The following NDE1 variants were observed in gnomAD, a reference collection of about 807,000 sequenced individuals.
The protein encoded by NDE1 is nuclear distribution protein nudE homolog 1.
A neutral mutation model predicts 43.4 loss-of-function variants in NDE1; 28 were observed. That is an observed-to-expected ratio of 0.65 (90% CI 0.48 to 0.89). NDE1 has a LOEUF of 0.89. Ranked by LOEUF, NDE1 falls within the 40% of genes least tolerant of loss-of-function variation. NDE1 has a pLI of 0.00. For synonymous variants in NDE1, 184 were observed against 172.0 expected (o/e 1.07, Z -0.55); for missense variants, 441 against 434.1 (o/e 1.02, Z -0.14).
At chr16:15,645,159 A>T (rs184275003) in intron 1 of NDE1, among the ~76,000 whole-genome samples, 1 of 152,170 alleles carries the variant, frequency 6.6e-6, no homozygotes, top group East Asian at 1.9e-4. Flanking sequence ...GCCTCAAGTG[A>T]TCCTCCCGCC....
At chr16:15,694,858 G>A (rs1422238701) in intron 7 of NDE1, 6 of 985,118 alleles carry the variant, frequency 6.1e-6, no homozygotes, top group South Asian at 4.7e-5. Flanking sequence ...TCCTTAACTC[G>A]AAAAATTAAG....
chr16:15,659,662 C>T (rs2036948507), intron 1 of NDE1, among the ~76,000 whole-genome samples: 1 of 151,472 alleles, frequency 6.6e-6, no homozygotes, highest in Admixed American at 6.6e-5. Context: ...GTTTCAGACT[C>T]CTGAGCTCAG....
chr16:15,663,419 T>A (rs1259454192), intron 1 of NDE1, among the ~76,000 whole-genome samples: 4 of 151,854 alleles, frequency 2.6e-5, no homozygotes, highest in Non-Finnish European at 5.9e-5. Flanking sequence ...TTTGTATTTT[T>A]TTTTAGTAGA....
chr16:15,695,755 G>A, intron 7 of NDE1: 1 of 967,916 alleles, frequency 1.0e-6, no homozygotes, highest in Non-Finnish European at 1.2e-6. Context: ...GTTTTTGGCT[G>A]TCTGGTTTGC....
intron 8 of NDE1, chr16:15,715,345 G>A (rs1465994811): frequency 6.8e-7 from 1 of 1,466,006 alleles, no homozygotes; most frequent in African/African-American, 1.4e-5. Flanking sequence ...TCACCTGGAG[G>A]TGGCATCTTG....
At chr16:15,645,140 G>C (rs12922083) in intron 1 of NDE1, among the ~76,000 whole-genome samples, 2 of 151,964 alleles carry the variant, frequency 1.3e-5, no homozygotes, top group Non-Finnish European at 2.9e-5. Context: ...GGCTGGTCTC[G>C]AACTCCTAGC....
chr16:15,717,496 C>A, intron 8 of NDE1: 1 of 776,406 alleles, frequency 1.3e-6, no homozygotes, highest in South Asian at 1.7e-5. Flanking sequence ...TAAAACTCCA[C>A]TCAAGAGCTT....
chr16:15,671,627 C>T (rs555137954), intron 3 of NDE1, among the ~76,000 whole-genome samples: 1 of 152,164 alleles, frequency 6.6e-6, no homozygotes, highest in Non-Finnish European at 1.5e-5. Context: ...GCCCACTTCA[C>T]CCATTTGTTA....
At chr16:15,691,535 A>T (rs2038753797) in intron 6 of NDE1, among the ~76,000 whole-genome samples, 1 of 152,062 alleles carries the variant, frequency 6.6e-6, no homozygotes, top group Admixed American at 6.6e-5. Flanking sequence ...GTCTGATGAA[A>T]TGGAAACCCC....
chr16:15,656,209 T>C (rs1254642388), intron 1 of NDE1, among the ~76,000 whole-genome samples: 1 of 152,228 alleles, frequency 6.6e-6, no homozygotes, highest in African/African-American at 2.4e-5. Flanking sequence ...CTTCTTTGCT[T>C]CCAGCATCTC....
chr16:15,647,906 A>G (rs774302410), upstream of NDE1, among the ~76,000 whole-genome samples: 1 of 151,778 alleles, frequency 6.6e-6, no homozygotes, highest in Non-Finnish European at 1.5e-5. Context: ...GTTGGTGCAC[A>G]CCTGTGGTCC....
intron 1 of NDE1, among the ~76,000 whole-genome samples, chr16:15,655,397 A>C (rs1433515363): frequency 6.6e-6 from 1 of 152,214 alleles, no homozygotes; most frequent in Non-Finnish European, 1.5e-5. Context: ...TGCCCACCTC[A>C]GTCTGCCAAA....
intron 3 of NDE1, among the ~76,000 whole-genome samples, chr16:15,676,131 CCT>C (rs1232754806): frequency 6.6e-6 from 1 of 151,464 alleles, no homozygotes; most frequent in Non-Finnish European, 1.5e-5. Context: ...CTTCCTCTCT[CCT>C]CTGTCTCCCT....
At chr16:15,721,793 G>A (rs866616286) in intron 8 of NDE1, 11 of 721,688 alleles carry the variant, frequency 1.5e-5, no homozygotes, top group South Asian at 5.0e-5. Context: ...ATCATCTGGC[G>A]TTCTGACTTC....
chr16:15,660,690 T>G (rs2036998981), intron 1 of NDE1, among the ~76,000 whole-genome samples: 1 of 152,154 alleles, frequency 6.6e-6, no homozygotes, highest in African/African-American at 2.4e-5. Flanking sequence ...AAACTGTTCT[T>G]GCTCACACCG....
At chr16:15,678,590 CCTT>C (rs1277310340) in intron 4 of NDE1, among the ~76,000 whole-genome samples, 1 of 152,038 alleles carries the variant, frequency 6.6e-6, no homozygotes, top group Non-Finnish European at 1.5e-5. Context: ...GTCTCAAACT[CCTT>C]AGCCTCCAAA....
At chr16:15,681,838 C>T (rs779198256) in intron 4 of NDE1, among the ~76,000 whole-genome samples, 9 of 152,134 alleles carry the variant, frequency 5.9e-5, no homozygotes, top group Admixed American at 1.3e-4. Flanking sequence ...CTCAGCCTCC[C>T]AAGTAGCTGG....
rs2151220485 is a variant in NDE1 at position 15,725,155 on chromosome 16, A to T, written c.*904A>T. 1 of 649,524 alleles carries T rather than the reference A, an allele frequency of 1.5e-6. No homozygotes were observed. The highest frequency in any genetic ancestry group is 2.7e-5 in the East Asian group (1 of 36,818). 40.2% of individuals were successfully genotyped at this position (649,524 alleles called of 1,614,324 possible). ...CTGATAAAAAAAAAAAAAAACACAC[A>T]CACACACAAAAAAAACAGAATCTGT... On this transcript the variant is annotated 3_prime_UTR_variant, in exon 9 of 9. Coordinates refer to ENST00000396354, the MANE Select transcript of NDE1 (RefSeq NM_017668.3).
At chr16:15,684,794 T>C (rs2038352184) in intron 4 of NDE1, among the ~76,000 whole-genome samples, 1 of 152,200 alleles carries the variant, frequency 6.6e-6, no homozygotes. Flanking sequence ...TGATCTGTGA[T>C]GCCACCTTTA....
Sources: allele counts gnomAD v4.1 joint callset (sites outside exome capture counted in the v4.1 genomes callset), GRCh38; gene constraint gnomAD v4.1.1; transcripts MANE v1.5; gene names NCBI Gene and HGNC (gene_info 2026-07-23, HGNC 2026-07-21).